LARS1: variants seen among roughly 807,000 people sequenced by gnomAD.
The protein encoded by LARS1 is leucine--tRNA ligase, cytoplasmic.
LARS1 carries 100 observed loss-of-function variants against 162.8 expected under a neutral mutation model. That is an observed-to-expected ratio of 0.61 (90% CI 0.52 to 0.73). The LOEUF (loss-of-function observed/expected upper bound fraction) is 0.73. LARS1 is among the 30% of genes least tolerant of loss of function. The pLI, the probability that LARS1 is intolerant of heterozygous loss-of-function variation, is 0.00. For missense variants in LARS1, 1,258 were observed against 1,408.9 expected (o/e 0.89, Z 1.71); for synonymous variants, 457 against 462.8 (o/e 0.99, Z 0.16).
chr5:146,180,851 C>A (rs1278037782), intron 1 of LARS1, among the ~76,000 whole-genome samples: 1 of 152,202 alleles, frequency 6.6e-6, no homozygotes, highest in Non-Finnish European at 1.5e-5. Flanking sequence ...ACTACTTACA[C>A]TTTGGGCCAA....
chr5:146,176,701 T>C (rs1471589935), intron 2 of LARS1, among the ~76,000 whole-genome samples: 1 of 152,156 alleles, frequency 6.6e-6, no homozygotes, highest in Non-Finnish European at 1.5e-5. Context: ...AGTTATTTTG[T>C]TTTTGTTTTT....
chr5:146,129,189 T>A, intron 25 of LARS1, 71 bp from the exon 26 acceptor site: 1 of 1,297,940 alleles, frequency 7.7e-7, no homozygotes, highest in Non-Finnish European at 1.1e-6. Flanking sequence ...GGTTCTTGAT[T>A]ATAGTTTCAT....
intron 2 of LARS1, among the ~76,000 whole-genome samples, chr5:146,174,603 T>C (rs1415147829): frequency 6.6e-5 from 5 of 75,248 alleles, no homozygotes; most frequent in East Asian, 3.9e-4. Flanking sequence ...TATATATATA[T>C]ATATCCATTA....
intron 2 of LARS1, among the ~76,000 whole-genome samples, chr5:146,173,018 C>T (rs1165759159): frequency 6.6e-6 from 1 of 151,994 alleles, no homozygotes; most frequent in African/African-American, 2.4e-5. Context: ...GTAACAAATA[C>T]TAGAGGTTTA....
rs112193669 is a variant in LARS1, at chr5:146,135,838, G to A, written c.2149-174C>T. 2.2e-4 allele frequency among the ~76,000 whole-genome samples: 34 copies of A among 152,304 alleles called. 1 individual carries two copies. Among genetic ancestry groups the A allele is most frequent in the South Asian group, 1.9e-3 (9 of 4,820 alleles). ...GAGCGGTGAAAACTGAATTTCATCCGATAAAGTGCCTTGTTTGGGTTACTC... is the reference window on the plus strand; with the variant it reads ...GAGCGGTGAAAACTGAATTTCATCCAATAAAGTGCCTTGTTTGGGTTACTC... On this transcript the variant is annotated intron_variant, in intron 21 of 31. Transcript: ENST00000394434.
At chr5:146,170,481 AG>A (rs1491558805) in intron 4 of LARS1, among the ~76,000 whole-genome samples, 3 of 144,176 alleles carry the variant, frequency 2.1e-5, no homozygotes, top group African/African-American at 7.5e-5. Flanking sequence ...AAAAAAAAAA[AG>A]GGGGGAAAAA....
In LARS1 at chr5:146,132,638, C is replaced by G. The variant is rs564259915; in HGVS notation, c.2396+260G>C. 1.5e-4 allele frequency: 43 copies of G among 291,534 alleles called. No individual in the cohort carries two copies. The East Asian group carries it at 2.4e-3, about 16-fold the overall frequency. The allele number at this position is 291,534 out of a possible 1,614,324, so 18.1% of individuals were successfully genotyped here. ...GCATTTAAGGAAATACTTAATTGTT[C>G]TAAGCTTCAGTTTCTTTATTTATAA... On this transcript the variant is annotated intron_variant, in intron 23 of 31. Transcript: ENST00000394434.
intron 6 of LARS1, among the ~76,000 whole-genome samples, chr5:146,162,216 AG>A (rs1454927573): frequency 6.6e-6 from 1 of 152,236 alleles, no homozygotes; most frequent in Non-Finnish European, 1.5e-5. Context: ...GATCCATCAG[AG>A]GAATTACCAT....
At position 146,130,102 on chromosome 5, in the gene LARS1, C is replaced by A; in HGVS notation, c.2544G>T (p.Val848=). 6.2e-7 allele frequency: 1 copy of A among 1,613,914 alleles called. No homozygotes were observed. Among genetic ancestry groups the A allele is most frequent in the Non-Finnish European group, 8.5e-7 (1 of 1,179,840 alleles). The change falls in exon 25 of 32, where the codon GTG becomes GTT. Residue 848 remains valine (V), a synonymous_variant. Coordinates refer to ENST00000394434, the MANE Select transcript of LARS1 (RefSeq NM_020117.11). ...LAVEGMHREL[V]FRFIEVQTLL... Reference sequence around the variant, plus strand: ...GTGTCTGAACTTCAATAAACCGGAACACAAGTTCTCTGTGCATCCCTTCCA... The same window carrying A: ...GTGTCTGAACTTCAATAAACCGGAAAACAAGTTCTCTGTGCATCCCTTCCA...
chr5:146,135,534 T>A, intron 22 of LARS1, 67 bp downstream of exon 22: 1 of 1,182,930 alleles, frequency 8.5e-7, no homozygotes. Context: ...AACACCAATT[T>A]TAACGTGTCT....
At chr5:146,160,581 T>A in intron 6 of LARS1, 95 bp from the exon 7 acceptor site, 1 of 557,350 alleles carries the variant, frequency 1.8e-6, no homozygotes, top group Non-Finnish European at 3.1e-6. Context: ...CTCTTCTAAC[T>A]TAGAATCAGA....
At chr5:146,148,847 G>A (rs923188412) in intron 15 of LARS1, among the ~76,000 whole-genome samples, 3 of 152,024 alleles carry the variant, frequency 2.0e-5, no homozygotes, top group East Asian at 1.9e-4. Context: ...AGGCCAAGGC[G>A]AGTGGATCAC....
chr5:146,126,554 AG>A lies in LARS1; in HGVS notation c.2881-10del, dbSNP rs755341846. ...AGTTTTCCGTTATTGGCCTAAGAAAAGGAAGGAGGGAGAGTAATGTAGAAAA... is the reference window on the plus strand; with the variant it reads ...AGTTTTCCGTTATTGGCCTAAGAAAAGAAGGAGGGAGAGTAATGTAGAAAA... On this transcript the variant is annotated splice_polypyrimidine_tract_variant and intron_variant, in intron 27 of 31. Coordinates refer to ENST00000394434, the MANE Select transcript of LARS1 (RefSeq NM_020117.11). 3 of 1,581,740 alleles carry A rather than the reference AG, an allele frequency of 1.9e-6. No homozygotes were observed. The South Asian group carries it at 3.3e-5, about 17-fold the overall frequency.
chr5:146,138,915 C>A (rs1216640907), intron 21 of LARS1: 2 of 327,094 alleles, frequency 6.1e-6, no homozygotes, highest in Non-Finnish European at 6.1e-6. Flanking sequence ...CCCACGGGAA[C>A]AGTAGCATGG....
chr5:146,128,700 G>A lies in LARS1; in HGVS notation c.2852C>T (p.Thr951Ile). ...AKNYPPWQHT[T>I]LSVLRKHFEA... ...AAAGTGTTTACGTAGAACAGACAGG[G>A]TGGTATGTTGCCAAGGTGGATAGTT... The change falls in exon 27 of 32, where the codon ACC (threonine) becomes ATC (isoleucine). Residue 951 changes from threonine (T) to isoleucine (I), a missense_variant. Coordinates refer to ENST00000394434, the MANE Select transcript of LARS1 (RefSeq NM_020117.11). 1.9e-6 allele frequency: 3 copies of A among 1,589,546 alleles called. No individual in the cohort carries two copies. The highest frequency in any genetic ancestry group is 2.6e-6 in the Non-Finnish European group (3 of 1,173,262).
At chr5:146,125,194 T>C (rs918881562) in intron 28 of LARS1, among the ~76,000 whole-genome samples, 1 of 152,076 alleles carries the variant, frequency 6.6e-6, no homozygotes, top group African/African-American at 2.4e-5. Context: ...CACTAGCCAC[T>C]GGGGAACCAA....
At chr5:146,155,374 C>T (rs1316028219) in intron 10 of LARS1, among the ~76,000 whole-genome samples, 1 of 152,074 alleles carries the variant, frequency 6.6e-6, no homozygotes, top group Non-Finnish European at 1.5e-5. Flanking sequence ...AGCCTGGAAA[C>T]AACTAAAGCT....
chr5:146,114,297 T>C lies in LARS1; in HGVS notation c.3340A>G (p.Lys1114Glu), dbSNP rs866785593. 1 of 1,613,850 alleles carries C rather than the reference T, an allele frequency of 6.2e-7. No individual in the cohort carries two copies. The highest frequency in any genetic ancestry group is 1.1e-5 in the South Asian group (1 of 91,054). Residue 1114 changes from lysine to glutamate, a missense_variant, in exon 32 of 32, where the codon AAA (lysine) becomes GAA (glutamate). Transcript: ENST00000394434. ...AGTGGATCATCAAATCTCATCAGTT[T>C]CACTTTGGAAAGGTCTACAACAAAA... Reference protein sequence around the residue: ...NRGIKDLSKVKLMRFDDPLLG... With the variant: ...NRGIKDLSKVELMRFDDPLLG...
intron 6 of LARS1, 123 bp downstream of exon 6, chr5:146,164,187 G>T (rs775100687): frequency 4.1e-5 from 38 of 928,910 alleles, no homozygotes; most frequent in Middle Eastern, 3.5e-4. Context: ...CTTGCTCAAC[G>T]CAGGGTTGCC....
Sources: allele counts gnomAD v4.1 joint callset (sites outside exome capture counted in the v4.1 genomes callset), GRCh38; gene constraint gnomAD v4.1.1; transcripts MANE v1.5; gene names NCBI Gene and HGNC (gene_info 2026-07-23, HGNC 2026-07-21).